MAGEL2: variants seen among roughly 807,000 people sequenced by gnomAD.
MAGEL2 encodes the protein MAGE-like protein 2.
For synonymous variants in MAGEL2, 792 were observed against 721.7 expected (o/e 1.10, Z -1.56); for missense variants, 1,830 against 1,699.2 (o/e 1.08, Z -1.35).
chr15:23,645,097 G>T lies in MAGEL2; in HGVS notation c.2646C>A (p.Ser882=). 3.1e-6 allele frequency: 5 copies of T among 1,613,888 alleles called. No homozygotes were observed. The highest frequency in any genetic ancestry group is 3.4e-6 in the Non-Finnish European group (4 of 1,179,906). Residue 882 remains serine, a synonymous_variant, in exon 1 of 1, where the codon TCC becomes TCA. Coordinates refer to ENST00000650528, the MANE Select transcript of MAGEL2 (RefSeq NM_019066.5). ...SKTSVEPPRR[S]GKATRKKKHL... ...GCTTCTTCTTCCGGGTGGCCTTGCCGGAGCGGCGTGGCGGCTCGACGGAGG... is the reference window on the plus strand; with the variant it reads ...GCTTCTTCTTCCGGGTGGCCTTGCCTGAGCGGCGTGGCGGCTCGACGGAGG...
chr15:23,644,409 G>A lies in MAGEL2; in HGVS notation c.3334C>T (p.Leu1112Phe), dbSNP rs1890343966. ...ATGAGGCTCAAGACCACCATCAGAAGGCCAAACTTGGGCCTGTCTAAATAG... is the reference window on the plus strand; with the variant it reads ...ATGAGGCTCAAGACCACCATCAGAAAGCCAAACTTGGGCCTGTCTAAATAG... Reference protein sequence around the residue: ...ASYLDRPKFGLLMVVLSLIFM... With the variant: ...ASYLDRPKFGFLMVVLSLIFM... The change falls in exon 1 of 1, where the codon CTT becomes TTT. Residue 1112 changes from leucine to phenylalanine, a missense_variant. Transcript: ENST00000650528. 6.2e-7 allele frequency: 1 copy of A among 1,613,778 alleles called. No individual in the cohort carries two copies.
At position 23,646,751 on chromosome 15, in the gene MAGEL2, G is replaced by A. The variant is rs1248852458; in HGVS notation, c.992C>T (p.Pro331Leu). The part of the protein sequence containing the change: ...PPAQPMASWA[P>L]QAQPLILQIQ... ...TTGCAGGATCAGAGGCTGAGCCTGC[G>A]GGGCCCAAGAAGCCATCGGCTGTGC... Residue 331 changes from proline (P) to leucine (L), a missense_variant, in exon 1 of 1, where the codon CCG becomes CTG. Transcript: ENST00000650528. The surrounding 1 kb of genome is among the most constrained non-coding windows in gnomAD (Gnocchi z 4.2). 1.3e-6 allele frequency: 2 copies of A among 1,534,822 alleles called. No homozygotes were observed. Among genetic ancestry groups the A allele is most frequent in the East Asian group, 2.5e-5 (1 of 40,814 alleles).
In MAGEL2 at chr15:23,646,773, G is replaced by T; in HGVS notation, c.970C>A (p.Gln324Lys). The T allele has an allele frequency of 6.5e-7, 1 of 1,533,316 alleles. No homozygotes were observed. Among genetic ancestry groups the T allele is most frequent in the South Asian group, 1.2e-5 (1 of 83,974 alleles). 95.0% of individuals were successfully genotyped at this position (1,533,316 alleles called of 1,614,324 possible). ...TGCGGGGCCCAAGAAGCCATCGGCT[G>T]TGCAGGTGGGGCCATCGGCTGTGCA... ...PPAQPMAPPA[Q>K]PMASWAPQAQ... Residue 324 changes from glutamine (Q) to lysine (K), a missense_variant, in exon 1 of 1, where the codon CAG becomes AAG. Gln to Lys is a moderately conservative substitution (Grantham distance 53, BLOSUM62 1). Coordinates refer to ENST00000650528, the MANE Select transcript of MAGEL2 (RefSeq NM_019066.5). This position sits in a 1 kb window ranked among gnomAD's most constrained non-coding sequence, Gnocchi z 4.2.
In MAGEL2 at chr15:23,646,008, C is replaced by G; in HGVS notation, c.1735G>C (p.Ala579Pro). Reference sequence around the variant, plus strand: ...CAGATGATGGAAGGGCAGTGCACAGCCTGCGGGGCAGACAGTGGGGCAGAC... The same window carrying G: ...CAGATGATGGAAGGGCAGTGCACAGGCTGCGGGGCAGACAGTGGGGCAGAC... ...PLSAPLSAPQAVHCPSIIWQA... is the reference protein window; with the variant it reads ...PLSAPLSAPQPVHCPSIIWQA... The change falls in exon 1 of 1, where the codon GCT becomes CCT. Residue 579 changes from alanine to proline, a missense_variant. Transcript: ENST00000650528. The surrounding 1 kb of genome is among the most constrained non-coding windows in gnomAD (Gnocchi z 4.2). The G allele has an allele frequency of 6.4e-7, 1 of 1,551,038 alleles. No homozygotes were observed. The highest frequency in any genetic ancestry group is 8.7e-7 in the Non-Finnish European group (1 of 1,147,444).
In MAGEL2 at chr15:23,646,526, G is replaced by A. The variant is rs1301989681; in HGVS notation, c.1217C>T (p.Pro406Leu). The A allele has an allele frequency of 1.8e-5, 27 of 1,469,510 alleles. No homozygotes were observed. The highest frequency in any genetic ancestry group is 5.0e-5 in the East Asian group (2 of 40,282). The allele number at this position is 1,469,510 out of a possible 1,614,324, so 91.0% of individuals were successfully genotyped here. ...WQAPAVTWQV[P>L]PPMRQGPPPI... is the part of the protein sequence containing the mutation. ...CGGGGGCCCCTGGCGCATGGGCGGCGGCACCTGCCAGGTAACGGCTGGTGC... is the reference window on the plus strand; with the variant it reads ...CGGGGGCCCCTGGCGCATGGGCGGCAGCACCTGCCAGGTAACGGCTGGTGC... Residue 406 changes from proline (P) to leucine (L), a missense_variant, in exon 1 of 1, where the codon CCG becomes CTG. Coordinates refer to ENST00000650528, the MANE Select transcript of MAGEL2 (RefSeq NM_019066.5). The surrounding 1 kb of genome is among the most constrained non-coding windows in gnomAD (Gnocchi z 4.2).
chr15:23,647,300 G>A lies in MAGEL2; in HGVS notation c.443C>T (p.Pro148Leu). 1 of 1,536,148 alleles carries A rather than the reference G, an allele frequency of 6.5e-7. No individual in the cohort carries two copies. The highest frequency in any genetic ancestry group is 8.7e-7 in the Non-Finnish European group (1 of 1,146,568). ...PMAHPPPPGT[P>L]MSHPPPPGTP... ...CCCCGGAGGGGGAGGGTGGGACATT[G>A]GGGTCCCCGGAGGAGGAGGATGGGC... The change falls in exon 1 of 1, where the codon CCA becomes CTA. Residue 148 changes from proline to leucine, a missense_variant. Pro to Leu is a moderately conservative substitution (Grantham distance 98, BLOSUM62 -3). Transcript: ENST00000650528.
Position 23,646,229 on chromosome 15 carries a change from T to G in MAGEL2, c.1514A>C (p.Gln505Pro). The G allele has an allele frequency of 2.2e-6, 3 of 1,348,770 alleles. No homozygotes were observed. The highest frequency in any genetic ancestry group is 1.9e-6 in the Non-Finnish European group (2 of 1,059,706). The allele number at this position is 1,348,770 out of a possible 1,614,324, so 83.6% of individuals were successfully genotyped here. A position where few individuals can be genotyped will look rare whatever the true frequency, so the allele number is the denominator to read the frequency against. ...GAGCGGTGGCTGGGTGGCCAGGACC[T>G]GTGGGGCAGGTCGGATGGGCGGCGG... ...QAPPPIRPAPQVLATQPPLWQ... is the reference protein window; with the variant it reads ...QAPPPIRPAPPVLATQPPLWQ... Residue 505 changes from glutamine to proline, a missense_variant, in exon 1 of 1, where the codon CAG becomes CCG. Physicochemically the swap from Gln to Pro is moderately conservative, Grantham distance 76. Coordinates refer to ENST00000650528, the MANE Select transcript of MAGEL2 (RefSeq NM_019066.5). The surrounding 1 kb of genome is among the most constrained non-coding windows in gnomAD (Gnocchi z 4.2).
In MAGEL2 at chr15:23,644,231, C is replaced by A; in HGVS notation, c.3512G>T (p.Arg1171Leu). 1.9e-6 allele frequency: 3 copies of A among 1,613,862 alleles called. No individual in the cohort carries two copies. The highest frequency in any genetic ancestry group is 2.5e-6 in the Non-Finnish European group (3 of 1,179,892). The change falls in exon 1 of 1, where the codon CGA becomes CTA. Residue 1171 changes from arginine to leucine, a missense_variant. Arg to Leu is a moderately radical substitution (Grantham distance 102). Transcript: ENST00000650528. ...CTCTGCGGGCTCAGTGTAAGGGATT[C>A]GCCTGTACTCTAGGTACTTCTGCCT... ...FVRQKYLEYR[R>L]IPYTEPAEYE...
chr15:23,647,430 G>C lies in MAGEL2; in HGVS notation c.313C>G (p.Pro105Ala), dbSNP rs1027138148. 8 of 1,536,012 alleles carry C rather than the reference G, an allele frequency of 5.2e-6. No individual in the cohort carries two copies. The African/African-American group carries it at 9.6e-5, about 18-fold the overall frequency. Residue 105 changes from proline to alanine, a missense_variant, in exon 1 of 1, where the codon CCC becomes GCC. Physicochemically the swap from Pro to Ala is conservative, Grantham distance 27 (BLOSUM62 -1). Coordinates refer to ENST00000650528, the MANE Select transcript of MAGEL2 (RefSeq NM_019066.5). Reference sequence around the variant, plus strand: ...GGAGGATGCACCATCAGGACCCCGGGAGTCGGAGGCTTACCCATCGGGCCC... The same window carrying C: ...GGAGGATGCACCATCAGGACCCCGGCAGTCGGAGGCTTACCCATCGGGCCC... ...LGGPMGKPPTPGVLMVHPPPP... is the reference protein window; with the variant it reads ...LGGPMGKPPTAGVLMVHPPPP...
rs1484822926 is a variant in MAGEL2 at position 23,646,478 on chromosome 15, G to A, written c.1265C>T (p.Pro422Leu). 6.9e-7 allele frequency: 1 copy of A among 1,441,126 alleles called. No homozygotes were observed. Among genetic ancestry groups the A allele is most frequent in the Non-Finnish European group, 9.1e-7 (1 of 1,104,890 alleles). 89.3% of individuals were successfully genotyped at this position (1,441,126 alleles called of 1,614,324 possible). A position where few individuals can be genotyped will look rare whatever the true frequency, so the allele number is the denominator to read the frequency against. The change falls in exon 1 of 1, where the codon CCC becomes CTC. Residue 422 changes from proline to leucine, a missense_variant. Physicochemically the swap from Pro to Leu is moderately conservative, Grantham distance 98 (BLOSUM62 -3). Transcript: ENST00000650528. The surrounding 1 kb of genome is among the most constrained non-coding windows in gnomAD (Gnocchi z 4.2). ...CACCGGTGGTGGGCCAGGGCGGATG[G>A]GTGGTGGGCCAGGGCGGATGGGCGG... ...GPPPIRPGPP[P>L]IRPGPPPVRQ...
Position 23,645,896 on chromosome 15 carries a change from G to A in MAGEL2, c.1847C>T (p.Ala616Val), listed in dbSNP as rs1184961563. The change falls in exon 1 of 1, where the codon GCC (alanine) becomes GTC (valine). Residue 616 changes from alanine (A) to valine (V), a missense_variant. Physicochemically the swap from Ala to Val is moderately conservative, Grantham distance 64 (BLOSUM62 0). Coordinates refer to ENST00000650528, the MANE Select transcript of MAGEL2 (RefSeq NM_019066.5). Reference sequence around the variant, plus strand: ...AGTGGGGGCCTTCTGGGCCTGCCAGGCCAGCGCCTGTGTCTGCTGCACCTC... The same window carrying A: ...AGTGGGGGCCTTCTGGGCCTGCCAGACCAGCGCCTGTGTCTGCTGCACCTC... ...FQEVQQTQAL[A>V]WQAQKAPTHI... is the part of the protein sequence containing the mutation. 1.3e-6 allele frequency: 2 copies of A among 1,573,316 alleles called. No homozygotes were observed. Among genetic ancestry groups the A allele is most frequent in the Non-Finnish European group, 8.6e-7 (1 of 1,159,580 alleles).
Position 23,646,091 on chromosome 15 carries a change from A to G in MAGEL2, c.1652T>C (p.Val551Ala). Residue 551 changes from valine to alanine, a missense_variant, in exon 1 of 1, where the codon GTA (valine) becomes GCA (alanine). Transcript: ENST00000650528. This position sits in a 1 kb window ranked among gnomAD's most constrained non-coding sequence, Gnocchi z 4.2. ...QVPTAPPATQ[V>A]PAAPPAGPQV... ...CGGGCCAGCGGGCGGCGCCGCGGGT[A>G]CCTGCGTAGCAGGTGGGGCCGTAGG... 6.9e-7 allele frequency: 1 copy of G among 1,453,956 alleles called. No individual in the cohort carries two copies. The highest frequency in any genetic ancestry group is 9.0e-7 in the Non-Finnish European group (1 of 1,110,386). The allele number at this position is 1,453,956 out of a possible 1,614,324, so 90.1% of individuals were successfully genotyped here.
At position 23,645,596 on chromosome 15, in the gene MAGEL2, G is replaced by C. The variant is rs1428871634; in HGVS notation, c.2147C>G (p.Thr716Ser). ...FPLGSAKSLM[T>S]PSGECRASSI... is the part of the protein sequence containing the mutation. ...AGAGGCCCTGCATTCTCCTGATGGA[G>C]TCATCAATGATTTAGCGGAGCCCAG... The change falls in exon 1 of 1, where the codon ACT becomes AGT. Residue 716 changes from threonine (T) to serine (S), a missense_variant. Physicochemically the swap from Thr to Ser is moderately conservative, Grantham distance 58. Coordinates refer to ENST00000650528, the MANE Select transcript of MAGEL2 (RefSeq NM_019066.5). 1.2e-6 allele frequency: 2 copies of C among 1,604,650 alleles called. No homozygotes were observed. The highest frequency in any genetic ancestry group is 4.5e-5 in the East Asian group (2 of 44,762).
chr15:23,646,399 T>C lies in MAGEL2; in HGVS notation c.1344A>G (p.Pro448=). ...RQAPPVIRQA[P]PVIRQAPPVI... Reference sequence around the variant, plus strand: ...CGGGTGGGGCCTGGCGGATCACGGGTGGGGCCTGGCGGATCACCGGTGGGG... The same window carrying C: ...CGGGTGGGGCCTGGCGGATCACGGGCGGGGCCTGGCGGATCACCGGTGGGG... The change falls in exon 1 of 1, where the codon CCA becomes CCG. Residue 448 remains proline (P), a synonymous_variant. Transcript: ENST00000650528. This position sits in a 1 kb window ranked among gnomAD's most constrained non-coding sequence, Gnocchi z 4.2. 1 of 1,376,116 alleles carries C rather than the reference T, an allele frequency of 7.3e-7. No individual in the cohort carries two copies. The highest frequency in any genetic ancestry group is 9.3e-7 in the Non-Finnish European group (1 of 1,078,004). The allele number at this position is 1,376,116 out of a possible 1,614,324, so 85.2% of individuals were successfully genotyped here.
In MAGEL2 at chr15:23,645,570, A is replaced by C; in HGVS notation, c.2173T>G (p.Ser725Ala). The change falls in exon 1 of 1, where the codon TCT becomes GCT. Residue 725 changes from serine to alanine, a missense_variant. Coordinates refer to ENST00000650528, the MANE Select transcript of MAGEL2 (RefSeq NM_019066.5). ...MTPSGECRAS[S>A]IDRRGSSKER... Reference sequence around the variant, plus strand: ...TTAGAGGAGCCCCTGCGGTCTATAGAAGAGGCCCTGCATTCTCCTGATGGA... The same window carrying C: ...TTAGAGGAGCCCCTGCGGTCTATAGCAGAGGCCCTGCATTCTCCTGATGGA... 6.2e-7 allele frequency: 1 copy of C among 1,611,132 alleles called. No homozygotes were observed. Among genetic ancestry groups the C allele is most frequent in the Non-Finnish European group, 8.5e-7 (1 of 1,178,606 alleles).
rs377086939 is a variant in MAGEL2, at chr15:23,645,004, G to C, written c.2739C>G (p.Pro913=). 39 of 1,613,764 alleles carry C rather than the reference G, an allele frequency of 2.4e-5. No individual in the cohort carries two copies. The highest frequency in any genetic ancestry group is 3.1e-5 in the Non-Finnish European group (36 of 1,179,890). ...AGTCACTCAGATTTAGATTCTCCCA[G>C]GGCCTTGGGCCCTGCCAGTCATGAA... ...LAFHDWQGPR[P]WENLNLSDWE... The change falls in exon 1 of 1, where the codon CCC becomes CCG. Residue 913 remains proline (P), a synonymous_variant. Transcript: ENST00000650528.
At position 23,647,056 on chromosome 15, in the gene MAGEL2, C is replaced by T. The variant is rs574367928; in HGVS notation, c.687G>A (p.Met229Ile). 206 of 1,536,372 alleles carry T rather than the reference C, an allele frequency of 1.3e-4. 2 individuals carry two copies. The African/African-American group carries it at 2.3e-3, about 17-fold the overall frequency. ...MAHPPPPGTP[M>I]AQPPAPGVLM... is the part of the protein sequence containing the mutation. The stretch of plus-strand genomic sequence containing the variant: ...GGACTCCCGGAGCTGGAGGCTGGGC[C>T]ATCGGTGTACCCGGAGGGGGAGGAT... Residue 229 changes from methionine to isoleucine, a missense_variant, in exon 1 of 1, where the codon ATG becomes ATA. Met to Ile is a conservative substitution (Grantham distance 10). Coordinates refer to ENST00000650528, the MANE Select transcript of MAGEL2 (RefSeq NM_019066.5).
chr15:23,646,444 G>A lies in MAGEL2; in HGVS notation c.1299C>T (p.Ala433=). The part of the protein sequence containing the change: ...IRPGPPPVRQ[A]PPLIRQAPPV... ...GTGGGGCCTGGCGGATCAGCGGTGG[G>A]GCCTGTCGCACCGGTGGTGGGCCAG... Residue 433 remains alanine (A), a synonymous_variant, in exon 1 of 1, where the codon GCC becomes GCT. Coordinates refer to ENST00000650528, the MANE Select transcript of MAGEL2 (RefSeq NM_019066.5). This position sits in a 1 kb window ranked among gnomAD's most constrained non-coding sequence, Gnocchi z 4.2. The A allele has an allele frequency of 7.0e-7, 1 of 1,425,250 alleles. No individual in the cohort carries two copies. Among genetic ancestry groups the A allele is most frequent in the Non-Finnish European group, 9.1e-7 (1 of 1,098,416 alleles). The allele number at this position is 1,425,250 out of a possible 1,614,324, so 88.3% of individuals were successfully genotyped here. A position where few individuals can be genotyped will look rare whatever the true frequency, so the allele number is the denominator to read the frequency against.
In MAGEL2 at chr15:23,647,066, C is replaced by T. The variant is rs1407494628; in HGVS notation, c.677G>A (p.Gly226Asp). The part of the protein sequence containing the change: ...GTPMAHPPPP[G>D]TPMAQPPAPG... ...AGCTGGAGGCTGGGCCATCGGTGTACCCGGAGGGGGAGGATGAGCCATCGG... is the reference window on the plus strand; with the variant it reads ...AGCTGGAGGCTGGGCCATCGGTGTATCCGGAGGGGGAGGATGAGCCATCGG... Residue 226 changes from glycine (G) to aspartate (D), a missense_variant, in exon 1 of 1, where the codon GGT becomes GAT. Physicochemically the swap from Gly to Asp is moderately conservative, Grantham distance 94. Coordinates refer to ENST00000650528, the MANE Select transcript of MAGEL2 (RefSeq NM_019066.5). 6.5e-7 allele frequency: 1 copy of T among 1,535,728 alleles called. No homozygotes were observed. The highest frequency in any genetic ancestry group is 2.0e-5 in the Admixed American group (1 of 50,930).
Sources: allele counts gnomAD v4.1 joint callset, GRCh38; gene constraint gnomAD v4.1.1; non-coding constraint Gnocchi (gnomAD v3.1); transcripts MANE v1.5; gene names NCBI Gene and HGNC (gene_info 2026-07-23, HGNC 2026-07-21).